Variants in WFS1 observed in about 807,000 individuals in gnomAD.
WFS1 encodes the protein wolframin.
In WFS1, 90 loss-of-function variants were observed where a neutral mutation model predicts 68.5. The observed-to-expected ratio is 1.31, with a 90% CI of 1.11 to 1.56. The LOEUF (loss-of-function observed/expected upper bound fraction) is 1.56, where lower values mean the gene tolerates loss of function less well. Ranked by LOEUF, WFS1 falls within the 40% of genes most tolerant of loss-of-function variation. The pLI is 0.00. For synonymous variants in WFS1, 860 were observed against 540.7 expected, an observed-to-expected ratio of 1.59 and a Z score of -8.19; for missense variants, 1,767 against 1,232.6, an observed-to-expected ratio of 1.43 and a Z score of -6.49.
At chr4:6,297,213 T>C (rs1730661190) in intron 7 of WFS1, among the ~76,000 whole-genome samples, 1 of 152,230 alleles carries the variant, frequency 6.6e-6, no homozygotes, top group Admixed American at 6.5e-5. Flanking sequence ...TTGGATGCTG[T>C]CAGAGCACTT....
intron 1 of WFS1, among the ~76,000 whole-genome samples, chr4:6,273,021 C>T (rs1729883248): frequency 1.3e-5 from 2 of 152,246 alleles, no homozygotes; most frequent in South Asian, 4.1e-4. Flanking sequence ...AGTGACTCCC[C>T]TGGACTGGCA....
intron 3 of WFS1, among the ~76,000 whole-genome samples, chr4:6,288,153 G>GT (rs982286793): frequency 6.7e-6 from 1 of 150,072 alleles, no homozygotes; most frequent in Non-Finnish European, 1.5e-5. Context: ...GGAAGTGGAG[G>GT]TTGCAGTGAG....
rs71530929 is a variant in WFS1 at position 6,300,595 on chromosome 4, G to C, written c.862-62G>C. 1,243 of 1,609,410 alleles carry C rather than the reference G, an allele frequency of 7.7e-4. 5 individuals carry two copies. Among genetic ancestry groups the C allele is most frequent in the Middle Eastern group, 4.0e-3 (24 of 6,048 alleles). ...AGAGGCAGGGTGGTCAGAGGGAGGC[G>C]TGAGATGGGAGCAGTGGGGGTCCTG... On this transcript the variant is annotated intron_variant, in intron 7 of 7. Transcript: ENST00000226760.
rs765260306 is a variant in WFS1, at chr4:6,291,361, G to A, written c.625G>A (p.Glu209Lys). The A allele has an allele frequency of 1.6e-5, 25 of 1,612,470 alleles. No homozygotes were observed. The highest frequency in any genetic ancestry group is 1.7e-4 in the Middle Eastern group (1 of 6,060). ...ELLENVGQVN[E>K]HDGGAQPGPV... ...GCTGGAGAATGTCGGCCAGGTCAAC[G>A]AGCACGGTGCGAGGATTCACCCTGG... The change falls in exon 5 of 8, where the codon GAG becomes AAG. Residue 209 changes from glutamate (E) to lysine (K), a missense_variant. Glu to Lys is a moderately conservative substitution (Grantham distance 56, BLOSUM62 1). Coordinates refer to ENST00000226760, the MANE Select transcript of WFS1 (RefSeq NM_006005.3).
At position 6,300,692 on chromosome 4, in the gene WFS1, C is replaced by G. The variant is rs763262029; in HGVS notation, c.897C>G (p.Ile299Met). The G allele has an allele frequency of 2.5e-6, 4 of 1,614,026 alleles. No individual in the cohort carries two copies. The highest frequency in any genetic ancestry group is 2.7e-5 in the African/African-American group (2 of 75,010). Residue 299 changes from isoleucine (I) to methionine (M), a missense_variant, in exon 8 of 8, where the codon ATC becomes ATG. By Grantham distance (10) the Ile-to-Met change is conservative. Transcript: ENST00000226760. ...ACCCCCTGCACGCCATCATGGAGAT[C>G]AAGGAGTACCTGATTGACATGGCCT... ...VKYPLHAIME[I>M]KEYLIDMASR...
chr4:6,301,153 C>T lies in WFS1; in HGVS notation c.1358C>T (p.Pro453Leu). ...CTGAGCCTGAGCACCCATGCAGAGC[C>T]CTACACGCGCAGGGCCCTGGCCACC... ...SYLSLSTHAE[P>L]YTRRALATEV... Residue 453 changes from proline to leucine, a missense_variant, in exon 8 of 8, where the codon CCC (proline) becomes CTC (leucine). Pro to Leu is a moderately conservative substitution (Grantham distance 98). Coordinates refer to ENST00000226760, the MANE Select transcript of WFS1 (RefSeq NM_006005.3). 1.2e-6 allele frequency: 2 copies of T among 1,612,972 alleles called. No homozygotes were observed. The highest frequency in any genetic ancestry group is 1.7e-6 in the Non-Finnish European group (2 of 1,179,974).
At chr4:6,299,822 GTGTGTGAATGTGTATAGGGGTGGGT>G (rs1244487694) in intron 7 of WFS1, among the ~76,000 whole-genome samples, 7 of 140,982 alleles carry the variant, frequency 5.0e-5, no homozygotes, top group Admixed American at 2.8e-4. Flanking sequence ...TAGGTTGCGT[GTGTGTGAATGTGTATAGGGGTGGGT>G]TGTGTGAATG....
chr4:6,277,399 C>T (rs1010629526), intron 1 of WFS1, 52 bp from the exon 2 acceptor site: 1 of 1,515,728 alleles, frequency 6.6e-7, no homozygotes. Flanking sequence ...CACTAAGTGC[C>T]AGAGCGGGCT....
intron 2 of WFS1, among the ~76,000 whole-genome samples, chr4:6,285,977 A>G (rs980066973): frequency 1.3e-5 from 2 of 152,210 alleles, no homozygotes; most frequent in African/African-American, 2.4e-5. Flanking sequence ...TAATAATTCA[A>G]CTGGAGAACC....
Position 6,301,430 on chromosome 4 carries a change from G to A in WFS1, c.1635G>A (p.Val545=). ...GCTTCATGTGGTGTGAGCTCTCCGT[G>A]GTCATCCTGCTGGAGTCCACCGGCC... ...LVCFMWCELS[V]VILLESTGLG... is the part of the protein sequence containing the mutation. Residue 545 remains valine, a synonymous_variant, in exon 8 of 8, where the codon GTG becomes GTA. Coordinates refer to ENST00000226760, the MANE Select transcript of WFS1 (RefSeq NM_006005.3). 1 of 1,612,468 alleles carries A rather than the reference G, an allele frequency of 6.2e-7. No homozygotes were observed. Among genetic ancestry groups the A allele is most frequent in the Non-Finnish European group, 8.5e-7 (1 of 1,180,038 alleles).
intron 2 of WFS1, among the ~76,000 whole-genome samples, chr4:6,280,422 G>A (rs1376344641): frequency 6.6e-6 from 1 of 152,196 alleles, no homozygotes; most frequent in Non-Finnish European, 1.5e-5. Flanking sequence ...AGAGAATAAA[G>A]CTGGGCTTGT....
At position 6,301,104 on chromosome 4, in the gene WFS1, G is replaced by T. The variant is rs147974629; in HGVS notation, c.1309G>T (p.Gly437Cys). 6.2e-7 allele frequency: 1 copy of T among 1,613,738 alleles called. No homozygotes were observed. Among genetic ancestry groups the T allele is most frequent in the Admixed American group, 1.7e-5 (1 of 60,014 alleles). Residue 437 changes from glycine (G) to cysteine (C), a missense_variant, in exon 8 of 8, where the codon GGC becomes TGC. Transcript: ENST00000226760. The part of the protein sequence containing the change: ...IPCSELAVIT[G>C]FFTVTSYLSL... ...CTGCTCGGAGCTGGCTGTCATCACC[G>T]GCTTCTTTACCGTGACCAGCTACCT...
chr4:6,301,578 A>C lies in WFS1; in HGVS notation c.1783A>C (p.Thr595Pro). Residue 595 changes from threonine (T) to proline (P), a missense_variant, in exon 8 of 8, where the codon ACC becomes CCC. Physicochemically the swap from Thr to Pro is conservative, Grantham distance 38. Transcript: ENST00000226760. ...CCGGTGGTTCACGTCTCTGGAGCTC[A>C]CCAAGATCGCAGTCACCGTGGCGGT... ...FARWFTSLEL[T>P]KIAVTVAVCS... The C allele has an allele frequency of 6.2e-7, 1 of 1,614,030 alleles. No individual in the cohort carries two copies.
chr4:6,299,320 C>G (rs1246848898), intron 7 of WFS1, among the ~76,000 whole-genome samples: 1 of 152,192 alleles, frequency 6.6e-6, no homozygotes, highest in East Asian at 1.9e-4. Flanking sequence ...AGAGCTCTTT[C>G]TGACCTTAGC....
At position 6,301,698 on chromosome 4, in the gene WFS1, C is replaced by T. The variant is rs765433439; in HGVS notation, c.1903C>T (p.Leu635Phe). 2 of 1,614,118 alleles carry T rather than the reference C, an allele frequency of 1.2e-6. No homozygotes were observed. Among genetic ancestry groups the T allele is most frequent in the South Asian group, 1.1e-5 (1 of 91,090 alleles). The stretch of plus-strand genomic sequence containing the variant: ...CCTGACGCGGAGCTCCATGGTCAAG[C>T]TCATCCTGGTGTGGCTCACGGCCAT... ...KSLTRSSMVK[L>F]ILVWLTAIVL... The change falls in exon 8 of 8, where the codon CTC (leucine) becomes TTC (phenylalanine). Residue 635 changes from leucine to phenylalanine, a missense_variant. Leu to Phe is a conservative substitution (Grantham distance 22). Coordinates refer to ENST00000226760, the MANE Select transcript of WFS1 (RefSeq NM_006005.3).
chr4:6,283,259 G>A lies in WFS1; in HGVS notation c.233-3834G>A, dbSNP rs932777665. On this transcript the variant is annotated intron_variant, in intron 2 of 7. Coordinates refer to ENST00000226760, the MANE Select transcript of WFS1 (RefSeq NM_006005.3). The surrounding 1 kb of genome is among the most constrained non-coding windows in gnomAD (Gnocchi z 5.0). ...CCATAGAACCTCACAGAGGGAAGGA[G>A]ACCTGCCCATGGTATCCAGCTCTGA... Among the ~76,000 whole-genome samples the A allele has an allele frequency of 2.6e-5, 4 of 152,184 alleles. No individual in the cohort carries two copies. The East Asian group carries it at 5.8e-4, about 22-fold the overall frequency.
chr4:6,288,622 T>A (rs1730376082), intron 3 of WFS1: 1 of 359,212 alleles, frequency 2.8e-6, no homozygotes. Flanking sequence ...CTTTCTATGG[T>A]CCCCTGACTG....
At chr4:6,293,564 C>T (rs1007234428) in intron 6 of WFS1, among the ~76,000 whole-genome samples, 3 of 152,164 alleles carry the variant, frequency 2.0e-5, no homozygotes, top group Admixed American at 6.5e-5. Context: ...CCTTGTCTGA[C>T]TTGATCTGTC....
At position 6,301,256 on chromosome 4, in the gene WFS1, C is replaced by G; in HGVS notation, c.1461C>G (p.Thr487=). The G allele has an allele frequency of 1.2e-6, 2 of 1,611,462 alleles. No homozygotes were observed. Among genetic ancestry groups the G allele is most frequent in the Non-Finnish European group, 1.7e-6 (2 of 1,180,028 alleles). The change falls in exon 8 of 8, where the codon ACC becomes ACG. Residue 487 remains threonine, a synonymous_variant. Transcript: ENST00000226760. Reference sequence around the variant, plus strand: ...CCTACCTGAAGGTCCTTGGCCAGACCTTCATCACCGTGCCTGTCGGCCACC... The same window carrying G: ...CCTACCTGAAGGTCCTTGGCCAGACGTTCATCACCGTGCCTGTCGGCCACC... ...NWPYLKVLGQ[T]FITVPVGHLV... is the part of the protein sequence containing the mutation.
Sources: allele counts gnomAD v4.1 joint callset (sites outside exome capture counted in the v4.1 genomes callset), GRCh38; gene constraint gnomAD v4.1.1; non-coding constraint Gnocchi (gnomAD v3.1); transcripts MANE v1.5; gene names NCBI Gene and HGNC (gene_info 2026-07-23, HGNC 2026-07-21).